The following RBMS1 variants were observed in gnomAD, a reference collection of about 807,000 sequenced individuals.
RBMS1 encodes RNA binding motif single stranded interacting protein 1.
RBMS1 carries 17 observed loss-of-function variants against 62.3 expected under a neutral mutation model. The ratio of observed to expected loss-of-function variants is 0.27; its 90% confidence interval spans 0.19 to 0.41. The LOEUF is 0.41. Among genes scored for constraint, RBMS1 ranks in the 10% least tolerant of loss-of-function variants. The pLI is 1.00. For missense variants in RBMS1, 334 were observed against 504.5 expected (o/e 0.66, Z 3.24); for synonymous variants, 172 against 170.0 (o/e 1.01, Z -0.09).
intron 2 of RBMS1, among the ~76,000 whole-genome samples, chr2:160,336,036 G>C (rs114303143): frequency 2.0e-5 from 3 of 152,088 alleles, no homozygotes; most frequent in African/African-American, 4.8e-5. Context: ...GCTCATGTTA[G>C]GGTGTGAAAT....
chr2:160,285,255 GTC>G (rs1471653174), intron 7 of RBMS1, among the ~76,000 whole-genome samples: 2 of 151,462 alleles, frequency 1.3e-5, no homozygotes. Context: ...GGAGACCCCT[GTC>G]TCTTAAAAAA....
At chr2:160,282,105 A>G in intron 9 of RBMS1, 1 of 595,516 alleles carries the variant, frequency 1.7e-6, no homozygotes, top group South Asian at 1.7e-5. Flanking sequence ...TGATGCCCAG[A>G]GCTTTCCAGA....
intron 9 of RBMS1, chr2:160,282,513 C>G (rs1574208188): frequency 3.1e-6 from 1 of 327,704 alleles, no homozygotes; most frequent in East Asian, 7.7e-5. Context: ...CAAACAACTC[C>G]CTACAGACCC....
rs556291298 is a variant in RBMS1 at position 160,493,492 on chromosome 2, G to A, written c.-129C>T. On this transcript the variant is annotated 5_prime_UTR_variant, in exon 1 of 14. Transcript: ENST00000348849. ...GGCGGCGGCGGCTGCTGCTGCTGCC[G>A]CTGCTCCACCTCCCAGCCGGGACCA... is the stretch of plus-strand genomic sequence containing the variant. 3.8e-5 allele frequency: 29 copies of A among 762,102 alleles called. No homozygotes were observed. In the South Asian group the frequency reaches 3.8e-4, roughly 10 times the overall value. 47.2% of individuals were successfully genotyped at this position (762,102 alleles called of 1,614,324 possible). A position where few individuals can be genotyped will look rare whatever the true frequency, so the allele number is the denominator to read the frequency against.
chr2:160,279,440 T>C (rs1441830040), intron 10 of RBMS1: 1 of 152,208 alleles, frequency 6.6e-6, no homozygotes, highest in African/African-American at 2.4e-5. Flanking sequence ...TGCCAGATCA[T>C]AGCCTCTGTG....
intron 1 of RBMS1, among the ~76,000 whole-genome samples, chr2:160,443,452 G>C (rs762694489): frequency 6.6e-6 from 1 of 152,116 alleles, no homozygotes; most frequent in East Asian, 1.9e-4. Flanking sequence ...TTTGGATCGT[G>C]GGGGTGGATC....
chr2:160,336,925 C>A (rs969173651), intron 2 of RBMS1, among the ~76,000 whole-genome samples: 1 of 152,102 alleles, frequency 6.6e-6, no homozygotes, highest in African/African-American at 2.4e-5. Context: ...CAGTTGCAGA[C>A]TCTGCTTTAG....
intron 1 of RBMS1, among the ~76,000 whole-genome samples, chr2:160,422,106 ATCAT>A (rs1696457824): frequency 6.6e-6 from 1 of 152,266 alleles, no homozygotes; most frequent in South Asian, 2.1e-4. Flanking sequence ...AGACAACAAT[ATCAT>A]CCTCACAGAG....
At chr2:160,314,857 G>A (rs1033493012) in intron 3 of RBMS1, among the ~76,000 whole-genome samples, 5 of 152,056 alleles carry the variant, frequency 3.3e-5, no homozygotes, top group Admixed American at 3.3e-4. Context: ...TGTTTTTTTA[G>A]ACATCTGTTG....
rs138048420 is a variant in RBMS1, at chr2:160,372,841, T to A, written c.76-5450A>T. On this transcript the variant is annotated intron_variant, in intron 1 of 13. Coordinates refer to ENST00000348849, the MANE Select transcript of RBMS1 (RefSeq NM_016836.4). ...AAACTGGCCAGGAATCAGTTGCTCC[T>A]ATGGATAGGTCAGAGAAGGAATGCC... 4.5e-4 allele frequency among the ~76,000 whole-genome samples: 69 copies of A among 152,210 alleles called. 1 individual carries two copies. The East Asian group carries it at 0.013, about 28-fold the overall frequency.
intron 2 of RBMS1, among the ~76,000 whole-genome samples, chr2:160,362,105 G>T (rs1278227725): frequency 6.6e-6 from 1 of 152,238 alleles, no homozygotes; most frequent in African/African-American, 2.4e-5. Flanking sequence ...ACTTCTCTCA[G>T]CCTTCACAGA....
intron 1 of RBMS1, among the ~76,000 whole-genome samples, chr2:160,423,806 G>A (rs563234768): frequency 1.3e-5 from 2 of 152,046 alleles, no homozygotes; most frequent in Non-Finnish European, 2.9e-5. Context: ...GTTGGCCTTC[G>A]CTCCTCTCTC....
intron 1 of RBMS1, among the ~76,000 whole-genome samples, chr2:160,464,408 A>T (rs1311873356): frequency 2.0e-5 from 3 of 152,258 alleles, no homozygotes; most frequent in African/African-American, 7.2e-5. Context: ...ATGTAGATTT[A>T]AAAACATAAA....
intron 1 of RBMS1, among the ~76,000 whole-genome samples, chr2:160,419,527 T>C (rs1696335145): frequency 6.6e-6 from 1 of 152,206 alleles, no homozygotes; most frequent in South Asian, 2.1e-4. Context: ...TAAAAGGTTA[T>C]ATCAGTAAAT....
At chr2:160,329,933 A>T (rs1424541438) in intron 2 of RBMS1, among the ~76,000 whole-genome samples, 21 of 152,110 alleles carry the variant, frequency 1.4e-4, no homozygotes, top group Admixed American at 1.4e-3. Context: ...AGATAAGACC[A>T]ATGTTGATCT....
chr2:160,307,658 T>C (rs1689613898), intron 4 of RBMS1, among the ~76,000 whole-genome samples: 1 of 152,274 alleles, frequency 6.6e-6, no homozygotes, highest in Non-Finnish European at 1.5e-5. Flanking sequence ...GTTTCATCAG[T>C]GTACTTGATG....
At chr2:160,434,962 C>T (rs935710173) in intron 1 of RBMS1, among the ~76,000 whole-genome samples, 1 of 152,108 alleles carries the variant, frequency 6.6e-6, no homozygotes, top group African/African-American at 2.4e-5. Flanking sequence ...AAGACAAGCC[C>T]GACCCTGAGT....
At chr2:160,385,474 C>T (rs1694521805) in intron 1 of RBMS1, among the ~76,000 whole-genome samples, 1 of 152,242 alleles carries the variant, frequency 6.6e-6, no homozygotes, top group Non-Finnish European at 1.5e-5. Flanking sequence ...GGGAGAGCCA[C>T]TTCCCCAGAA....
At chr2:160,434,426 C>T (rs1683031962) in intron 1 of RBMS1, among the ~76,000 whole-genome samples, 1 of 151,976 alleles carries the variant, frequency 6.6e-6, no homozygotes, top group Non-Finnish European at 1.5e-5. Flanking sequence ...AGCTCCTTTT[C>T]CCCCCACATT....
Sources: allele counts gnomAD v4.1 joint callset (sites outside exome capture counted in the v4.1 genomes callset), GRCh38; gene constraint gnomAD v4.1.1; transcripts MANE v1.5; gene names NCBI Gene and HGNC (gene_info 2026-07-23, HGNC 2026-07-21).